SMYD3: variants seen among roughly 807,000 people sequenced by gnomAD.
The protein encoded by SMYD3 is SET and MYND domain containing 3, also known as histone-lysine N-methyltransferase SMYD3.
Under a neutral mutation model 57.7 loss-of-function variants are expected in SMYD3, and 36 were observed. The ratio of observed to expected loss-of-function variants is 0.62; its 90% CI spans 0.48 to 0.82. The LOEUF (loss-of-function observed/expected upper bound fraction) is 0.82. Among genes scored for constraint, SMYD3 ranks in the 40% least tolerant of loss-of-function variants. The probability of loss-of-function intolerance (pLI) is 0.00; values close to 1 mark genes in which losing one functional copy is unlikely to be tolerated. For missense variants in SMYD3, 515 were observed against 538.8 expected (o/e 0.96, Z 0.44); for synonymous variants, 211 against 195.0 (o/e 1.08, Z -0.68).
At chr1:246,354,924 A>C (rs2065887357) in intron 2 of SMYD3, 107 bp downstream of exon 2, 1 of 968,944 alleles carries the variant, frequency 1.0e-6, no homozygotes, top group Admixed American at 2.2e-5. Flanking sequence ...AGTAAAAGTA[A>C]ATTAAAGGCT....
At chr1:246,195,346 A>G (rs1289932821) in intron 5 of SMYD3, among the ~76,000 whole-genome samples, 1 of 152,182 alleles carries the variant, frequency 6.6e-6, no homozygotes, top group Non-Finnish European at 1.5e-5. Flanking sequence ...CCTGAAATAG[A>G]GTTCAATTTT....
At chr1:246,248,252 T>A (rs10924618) in intron 5 of SMYD3, among the ~76,000 whole-genome samples, 1 of 151,984 alleles carries the variant, frequency 6.6e-6, no homozygotes, top group Admixed American at 6.6e-5. Flanking sequence ...GTTCTGACCA[T>A]GTCATCAAAT....
intron 5 of SMYD3, among the ~76,000 whole-genome samples, chr1:246,231,078 G>C (rs1322569477): frequency 6.6e-6 from 1 of 152,168 alleles, no homozygotes; most frequent in Non-Finnish European, 1.5e-5. Context: ...CAGACTTAGT[G>C]TACTTTTGGC....
rs73141522 is a variant in SMYD3, at chr1:246,118,514, A to T, written c.532-188577T>A. On this transcript the variant is annotated intron_variant, in intron 5 of 11. Coordinates refer to ENST00000490107, the MANE Select transcript of SMYD3 (RefSeq NM_001167740.2). The stretch of plus-strand genomic sequence containing the variant: ...GATCCAAATGCCTCAAGCTAGAACC[A>T]TCACTGACGCTTACTCAAGAATGTC... Among the ~76,000 whole-genome samples the T allele has an allele frequency of 9.5e-3, 1,449 of 152,328 alleles. 20 individuals carry two copies. The highest frequency in any genetic ancestry group is 0.033 in the African/African-American group (1,356 of 41,558).
intron 4 of SMYD3, among the ~76,000 whole-genome samples, chr1:246,327,965 G>C (rs1369312736): frequency 6.6e-6 from 1 of 152,108 alleles, no homozygotes; most frequent in Non-Finnish European, 1.5e-5. Flanking sequence ...AGGCCAAGAC[G>C]GGCAGATCAC....
chr1:245,776,686 C>T (rs1034697737), intron 10 of SMYD3, among the ~76,000 whole-genome samples: 14 of 152,122 alleles, frequency 9.2e-5, no homozygotes, highest in Admixed American at 7.2e-4. Context: ...TGGAAGGTGC[C>T]GTATTGTGGT....
intron 5 of SMYD3, among the ~76,000 whole-genome samples, chr1:246,266,399 CATT>C (rs138895826): frequency 6.6e-6 from 1 of 151,640 alleles, no homozygotes; most frequent in African/African-American, 2.4e-5. Context: ...ATTTTGTTCA[CATT>C]ATTATTATTA....
intron 10 of SMYD3, among the ~76,000 whole-genome samples, chr1:245,770,620 C>G (rs1223424740): frequency 1.3e-5 from 2 of 152,034 alleles, no homozygotes; most frequent in African/African-American, 4.8e-5. Context: ...AAAATTATAA[C>G]CCGGCATACA....
intron 5 of SMYD3, among the ~76,000 whole-genome samples, chr1:246,136,508 A>C (rs1439761763): frequency 6.6e-6 from 1 of 152,188 alleles, no homozygotes; most frequent in East Asian, 1.9e-4. Flanking sequence ...AGAAAGGTGC[A>C]AAAAAATGCA....
intron 2 of SMYD3, among the ~76,000 whole-genome samples, chr1:246,335,705 C>CA (rs1295003974): frequency 5.9e-5 from 9 of 152,208 alleles, no homozygotes; most frequent in Non-Finnish European, 1.2e-4. Context: ...TCTGTGCTTT[C>CA]ATTTGTCCCC....
chr1:245,941,991 A>G (rs2057262386), intron 5 of SMYD3, among the ~76,000 whole-genome samples: 1 of 152,236 alleles, frequency 6.6e-6, no homozygotes, highest in Non-Finnish European at 1.5e-5. Context: ...CTAAATAAGG[A>G]AAGGAAAAAC....
At chr1:246,360,603 T>C (rs956412623) in intron 1 of SMYD3, among the ~76,000 whole-genome samples, 12 of 151,458 alleles carry the variant, frequency 7.9e-5, no homozygotes, top group African/African-American at 2.2e-4. Context: ...GTTATAAAAA[T>C]AGGCACAATG....
intron 1 of SMYD3, among the ~76,000 whole-genome samples, chr1:246,379,113 C>CAT (rs1553340124): frequency 0.22 from 31,281 of 139,408 alleles, 4,084 homozygotes; most frequent in Non-Finnish European, 0.28. Context: ...CACACACACA[C>CAT]ATATATTCCA....
intron 10 of SMYD3, among the ~76,000 whole-genome samples, chr1:245,849,134 C>T (rs2050822867): frequency 1.3e-5 from 2 of 152,160 alleles, no homozygotes; most frequent in African/African-American, 2.4e-5. Context: ...AAAACTTTCA[C>T]TAGGAAGTTA....
At chr1:246,235,378 T>C (rs979563746) in intron 5 of SMYD3, among the ~76,000 whole-genome samples, 2 of 152,188 alleles carry the variant, frequency 1.3e-5, no homozygotes, top group African/African-American at 4.8e-5. Context: ...TTCCTGAATA[T>C]GTTGCAAAAG....
At chr1:246,324,584 G>A (rs1448825498) in intron 5 of SMYD3, among the ~76,000 whole-genome samples, 1 of 151,840 alleles carries the variant, frequency 6.6e-6, no homozygotes, top group African/African-American at 2.4e-5. Context: ...CGTAAATTCA[G>A]AAGTCAGCAG....
At chr1:245,850,281 G>A (rs1334914236) in intron 10 of SMYD3, among the ~76,000 whole-genome samples, 2 of 152,192 alleles carry the variant, frequency 1.3e-5, no homozygotes, top group Admixed American at 1.3e-4. Flanking sequence ...CACTTGGTCA[G>A]CTGTAACTGT....
Position 246,051,088 on chromosome 1 carries a change from T to C in SMYD3, c.532-121151A>G, listed in dbSNP as rs987720802. 3.3e-5 allele frequency among the ~76,000 whole-genome samples: 5 copies of C among 152,018 alleles called. No homozygotes were observed. The South Asian group carries it at 6.2e-4, about 19-fold the overall frequency. The stretch of plus-strand genomic sequence containing the variant: ...TACTATTCTTTGGAAAGATGAGATG[T>C]TTGTTAAGCAGAGCTTAATATTAAC... On this transcript the variant is annotated intron_variant, in intron 5 of 11. Coordinates refer to ENST00000490107, the MANE Select transcript of SMYD3 (RefSeq NM_001167740.2).
chr1:245,809,007 G>A (rs561920090), intron 10 of SMYD3, among the ~76,000 whole-genome samples: 374 of 152,170 alleles, frequency 2.5e-3, no homozygotes, highest in Non-Finnish European at 4.3e-3. Flanking sequence ...CGCCCGCCTC[G>A]GCCTCCCAAA....
Sources: allele counts gnomAD v4.1 joint callset (sites outside exome capture counted in the v4.1 genomes callset), GRCh38; gene constraint gnomAD v4.1.1; transcripts MANE v1.5; gene names NCBI Gene and HGNC (gene_info 2026-07-23, HGNC 2026-07-21).